Variants in AKT3 observed in about 807,000 individuals in gnomAD.
AKT3 encodes AKT serine/threonine kinase 3.
AKT3 carries 15 observed loss-of-function variants against 65.3 expected under a neutral mutation model. The observed-to-expected ratio is 0.23, with a 90% CI of 0.15 to 0.35. AKT3 has a LOEUF of 0.35. Ranked by LOEUF, AKT3 falls within the 10% of genes least tolerant of loss-of-function variation. The pLI, the probability that AKT3 is intolerant of heterozygous loss-of-function variation, is 1.00. For missense variants in AKT3, 243 were observed against 576.5 expected (o/e 0.42, Z 5.92); for synonymous variants, 206 against 183.8 (o/e 1.12, Z -0.98).
At chr1:243,555,465 A>G (rs1159910754) in intron 10 of AKT3, among the ~76,000 whole-genome samples, 1 of 152,198 alleles carries the variant, frequency 6.6e-6, no homozygotes, top group Non-Finnish European at 1.5e-5. Context: ...CAGCCAAATT[A>G]ACCAATTCGA....
intron 2 of AKT3, among the ~76,000 whole-genome samples, chr1:243,752,055 T>C (rs145097320): frequency 8.9e-4 from 136 of 152,290 alleles, no homozygotes; most frequent in African/African-American, 3.2e-3. Context: ...TAATGCTGTA[T>C]ACAGGGTCCA....
intron 1 of AKT3, among the ~76,000 whole-genome samples, chr1:243,849,432 G>A (rs905920440): frequency 8.0e-6 from 1 of 125,152 alleles, no homozygotes; most frequent in African/African-American, 3.4e-5. Context: ...GCGCGCCAGT[G>A]GCGGGGAAGG....
At chr1:243,641,585 T>A (rs1406054510) in intron 5 of AKT3, among the ~76,000 whole-genome samples, 3 of 152,090 alleles carry the variant, frequency 2.0e-5, no homozygotes, top group African/African-American at 7.2e-5. Context: ...TTTATGACAT[T>A]TTCAGTTGAA....
At chr1:243,562,058 A>G (rs1673824382) in intron 10 of AKT3, among the ~76,000 whole-genome samples, 1 of 152,178 alleles carries the variant, frequency 6.6e-6, no homozygotes, top group Non-Finnish European at 1.5e-5. Context: ...CATAGTAGCC[A>G]AAAAATGGAT....
At chr1:243,745,384 G>A (rs891869883) in intron 2 of AKT3, among the ~76,000 whole-genome samples, 5 of 152,032 alleles carry the variant, frequency 3.3e-5, no homozygotes, top group Non-Finnish European at 1.5e-5. Flanking sequence ...TTAAGAAAAC[G>A]AGATATGATG....
At chr1:243,516,733 G>A (rs1008919667) in intron 12 of AKT3, among the ~76,000 whole-genome samples, 1 of 151,872 alleles carries the variant, frequency 6.6e-6, no homozygotes, top group Admixed American at 6.6e-5. Context: ...TCAGCCTCCT[G>A]AGCAGCTATG....
At chr1:243,706,559 G>T (rs1007211805) in intron 2 of AKT3, among the ~76,000 whole-genome samples, 4 of 152,076 alleles carry the variant, frequency 2.6e-5, no homozygotes, top group African/African-American at 9.7e-5. Context: ...TAGTAGTATG[G>T]ACCCTAAAAT....
At chr1:243,508,693 T>G (rs1042230458) in intron 13 of AKT3, among the ~76,000 whole-genome samples, 1 of 132,202 alleles carries the variant, frequency 7.6e-6, no homozygotes, top group Non-Finnish European at 1.5e-5. Flanking sequence ...AAAGACAGAG[T>G]CTTGCTCTGT....
chr1:243,812,130 A>C (rs1572392325), intron 2 of AKT3, among the ~76,000 whole-genome samples: 2 of 152,368 alleles, frequency 1.3e-5, no homozygotes, highest in East Asian at 3.9e-4. Context: ...TTCATGTCTA[A>C]AACACCAAAA....
At chr1:243,613,869 TA>T in intron 7 of AKT3, 130 bp from the exon 8 acceptor site, 1 of 523,268 alleles carries the variant, frequency 1.9e-6, no homozygotes, top group Non-Finnish European at 3.2e-6. Flanking sequence ...TTTAAGAGTT[TA>T]TTTACTACTT....
intron 2 of AKT3, among the ~76,000 whole-genome samples, chr1:243,776,827 G>C (rs79608803): frequency 2.0e-5 from 3 of 152,074 alleles, no homozygotes; most frequent in Non-Finnish European, 4.4e-5. Flanking sequence ...GTTGTGCTAA[G>C]TGCAATAAAA....
intron 2 of AKT3, among the ~76,000 whole-genome samples, chr1:243,811,620 C>T (rs955415456): frequency 5.3e-5 from 8 of 152,130 alleles, no homozygotes; most frequent in Admixed American, 6.5e-5. Flanking sequence ...AGATTCAATG[C>T]CATCCCCATC....
chr1:243,769,501 T>G (rs1472764812), intron 2 of AKT3, among the ~76,000 whole-genome samples: 1 of 152,196 alleles, frequency 6.6e-6, no homozygotes, highest in Non-Finnish European at 1.5e-5. Context: ...AATAGGTGAG[T>G]TGATATCTCA....
chr1:243,811,097 C>G (rs534020526), intron 2 of AKT3, among the ~76,000 whole-genome samples: 1 of 152,092 alleles, frequency 6.6e-6, no homozygotes, highest in Non-Finnish European at 1.5e-5. Flanking sequence ...GGAAGCATTC[C>G]CTTTGAAAAC....
At chr1:243,704,902 C>T (rs552537787) in intron 2 of AKT3, among the ~76,000 whole-genome samples, 8 of 152,096 alleles carry the variant, frequency 5.3e-5, no homozygotes, top group African/African-American at 1.4e-4. Flanking sequence ...TTATTTCACC[C>T]GGTAAACTCT....
chr1:243,835,175 T>TCA (rs1332390453), intron 2 of AKT3, among the ~76,000 whole-genome samples: 2 of 152,152 alleles, frequency 1.3e-5, no homozygotes, highest in Non-Finnish European at 2.9e-5. Context: ...TATAGAACAT[T>TCA]CAGCAGCATA....
At chr1:243,652,215 T>C (rs1292626438) in intron 4 of AKT3, among the ~76,000 whole-genome samples, 2 of 151,898 alleles carry the variant, frequency 1.3e-5, no homozygotes, top group Admixed American at 1.3e-4. Context: ...GCTTGGCTAA[T>C]TTTTTTGTAT....
At chr1:243,839,490 C>T (rs1391401170) in intron 2 of AKT3, among the ~76,000 whole-genome samples, 2 of 152,104 alleles carry the variant, frequency 1.3e-5, no homozygotes, top group African/African-American at 4.8e-5. Context: ...TCTTTTATTG[C>T]CATTTCTAAC....
rs757308532 is a variant in AKT3 at position 243,807,196 on chromosome 1, G to C, written c.46+35929C>G. Among the ~76,000 whole-genome samples, 153 of 152,218 alleles carry C rather than the reference G, an allele frequency of 1.0e-3. 1 individual carries two copies. The highest frequency in any genetic ancestry group is 3.8e-4 in the Non-Finnish European group (26 of 68,032). ...TGTCGGACAGTGGGTGCAGGACAGG[G>C]GGTGCAGTGCACCAAGCGTGAGCCA... is the stretch of plus-strand genomic sequence containing the variant. On this transcript the variant is annotated intron_variant, in intron 2 of 13. Coordinates refer to ENST00000673466, the MANE Select transcript of AKT3 (RefSeq NM_005465.7).
Sources: allele counts gnomAD v4.1 joint callset (sites outside exome capture counted in the v4.1 genomes callset), GRCh38; gene constraint gnomAD v4.1.1; transcripts MANE v1.5; gene names NCBI Gene and HGNC (gene_info 2026-07-23, HGNC 2026-07-21).